STPG2: variants seen among roughly 807,000 people sequenced by gnomAD.
STPG2 encodes sperm-tail PG-rich repeat-containing protein 2.
In STPG2, 56 loss-of-function variants were observed where a neutral mutation model predicts 54.2. The ratio of observed to expected loss-of-function variants is 1.03; its 90% CI spans 0.83 to 1.29. STPG2 has a LOEUF of 1.29. STPG2 is among the 50% of genes most tolerant of loss of function. STPG2 has a pLI of 0.00. For missense variants in STPG2, 596 were observed against 544.9 expected, an observed-to-expected ratio of 1.09 and a Z score of -0.93; for synonymous variants, 200 against 181.8, an observed-to-expected ratio of 1.10 and a Z score of -0.81.
chr4:97,473,840 G>T (rs530188394), intron 4 of STPG2, among the ~76,000 whole-genome samples: 1 of 152,056 alleles, frequency 6.6e-6, no homozygotes, highest in Non-Finnish European at 1.5e-5. Context: ...CAAACCAGCC[G>T]ATGCTTAGGG....
chr4:97,873,501 A>T (rs936021617), intron 8 of STPG2, among the ~76,000 whole-genome samples: 2 of 151,546 alleles, frequency 1.3e-5, no homozygotes, highest in Admixed American at 1.3e-4. Context: ...CACTACAATA[A>T]CAAAAAGCAC....
chr4:97,842,306 A>C (rs986782059), intron 8 of STPG2, among the ~76,000 whole-genome samples: 1 of 151,862 alleles, frequency 6.6e-6, no homozygotes, highest in Non-Finnish European at 1.5e-5. Context: ...TGTCTGCATC[A>C]AGAGTATATA....
intron 4 of STPG2, among the ~76,000 whole-genome samples, chr4:97,491,665 T>C (rs1476501084): frequency 3.3e-5 from 5 of 151,604 alleles, no homozygotes; most frequent in Non-Finnish European, 7.4e-5. Flanking sequence ...GAAGGCATGA[T>C]GCCCTTAACT....
chr4:97,570,750 G>GT (rs995561527), intron 10 of STPG2, among the ~76,000 whole-genome samples: 2 of 151,800 alleles, frequency 1.3e-5, no homozygotes, highest in African/African-American at 2.4e-5. Flanking sequence ...AGACTCAAAG[G>GT]TTTTTTTCCT....
chr4:97,611,344 T>C (rs1175964076), intron 10 of STPG2, among the ~76,000 whole-genome samples: 3 of 151,534 alleles, frequency 2.0e-5, no homozygotes, highest in Non-Finnish European at 4.4e-5. Context: ...GGAAGCCAGA[T>C]GATGGTAACA....
intron 8 of STPG2, among the ~76,000 whole-genome samples, chr4:97,903,612 A>C (rs1388309559): frequency 1.3e-5 from 2 of 152,224 alleles, no homozygotes; most frequent in Non-Finnish European, 2.9e-5. Context: ...GAAGGAGCCA[A>C]GATGGCCGAA....
intron 8 of STPG2, among the ~76,000 whole-genome samples, chr4:97,887,783 T>C (rs1730632607): frequency 6.6e-6 from 1 of 152,168 alleles, no homozygotes; most frequent in South Asian, 2.1e-4. Context: ...TTCTAAGGAA[T>C]TTCAGAGACA....
At chr4:97,877,660 C>A (rs1730227890) in intron 8 of STPG2, among the ~76,000 whole-genome samples, 1 of 152,172 alleles carries the variant, frequency 6.6e-6, no homozygotes, top group Non-Finnish European at 1.5e-5. Context: ...CTGTCTTCCA[C>A]TGGGTCCCTC....
chr4:97,774,232 T>C (rs981859729), intron 9 of STPG2, among the ~76,000 whole-genome samples: 2 of 152,198 alleles, frequency 1.3e-5, no homozygotes, highest in Non-Finnish European at 2.9e-5. Flanking sequence ...GTTCTCTTTA[T>C]ATTACTTTGT....
intron 10 of STPG2, among the ~76,000 whole-genome samples, chr4:97,670,089 C>T (rs1722653633): frequency 6.6e-6 from 1 of 151,914 alleles, no homozygotes; most frequent in Non-Finnish European, 1.5e-5. Context: ...AAACCCTATC[C>T]AAGAAAAATA....
intron 8 of STPG2, among the ~76,000 whole-genome samples, chr4:97,896,877 T>C (rs945872396): frequency 3.3e-5 from 5 of 151,756 alleles, no homozygotes; most frequent in East Asian, 1.9e-4. Flanking sequence ...GAAGACTATA[T>C]AAACTTATCT....
intron 9 of STPG2, among the ~76,000 whole-genome samples, chr4:97,768,260 A>T (rs2149060140): frequency 6.6e-6 from 1 of 152,330 alleles, no homozygotes; most frequent in Non-Finnish European, 1.5e-5. Flanking sequence ...CAATGCAAAG[A>T]CTTAAAATGG....
chr4:97,970,791 A>G (rs908628700), intron 7 of STPG2, among the ~76,000 whole-genome samples: 6 of 152,242 alleles, frequency 3.9e-5, no homozygotes, highest in African/African-American at 7.2e-5. Flanking sequence ...AATGGCAACA[A>G]AAGTCAAAAT....
chr4:97,606,810 A>G (rs1733607099), intron 10 of STPG2, among the ~76,000 whole-genome samples: 1 of 151,882 alleles, frequency 6.6e-6, no homozygotes, highest in African/African-American at 2.4e-5. Context: ...CTTTCTTGTT[A>G]TGTAAAAAAT....
At chr4:97,604,235 G>T (rs563943048) in intron 10 of STPG2, among the ~76,000 whole-genome samples, 1 of 151,556 alleles carries the variant, frequency 6.6e-6, no homozygotes, top group African/African-American at 2.4e-5. Flanking sequence ...TGAGTTTTAG[G>T]GAGAAATTTG....
intron 4 of STPG2, among the ~76,000 whole-genome samples, chr4:97,464,013 A>G (rs1199596347): frequency 6.6e-6 from 1 of 152,102 alleles, no homozygotes; most frequent in African/African-American, 2.4e-5. Flanking sequence ...CCATTCACCT[A>G]CTGAACAACA....
intron 9 of STPG2, among the ~76,000 whole-genome samples, chr4:97,726,276 G>C (rs1403505795): frequency 1.3e-5 from 2 of 151,926 alleles, no homozygotes; most frequent in African/African-American, 4.8e-5. Flanking sequence ...AAATAGAATG[G>C]TAGTGGTCAG....
intron 5 of STPG2, among the ~76,000 whole-genome samples, chr4:97,997,514 C>T (rs760056891): frequency 1.9e-4 from 29 of 152,108 alleles, no homozygotes; most frequent in South Asian, 4.1e-4. Context: ...AAACTATTCA[C>T]GAGAAATCCT....
At chr4:97,461,883 TTC>T (rs926437288) in intron 4 of STPG2, among the ~76,000 whole-genome samples, 2 of 152,196 alleles carry the variant, frequency 1.3e-5, no homozygotes, top group Non-Finnish European at 1.5e-5. Flanking sequence ...ATCTTCACTC[TTC>T]TCTGTGTCAT....
Sources: gnomAD v4.1 joint callset for allele counts (sites outside exome capture counted in the v4.1 genomes callset) on GRCh38, gnomAD v4.1.1 for gene constraint, MANE v1.5 for transcripts, NCBI Gene and HGNC (gene_info 2026-07-23, HGNC 2026-07-21) for gene names.